KDM2A: variants seen among roughly 807,000 people sequenced by gnomAD.
KDM2A encodes the protein lysine demethylase 2A.
Under a neutral mutation model 137.3 loss-of-function variants are expected in KDM2A, and 3 were observed. The observed-to-expected ratio is 0.02, with a 90% confidence interval of 0.01 to 0.06. The LOEUF (loss-of-function observed/expected upper bound fraction) is 0.06. Among genes scored for constraint, KDM2A ranks in the 10% least tolerant of loss-of-function variants. The pLI, the probability that KDM2A is intolerant of heterozygous loss-of-function variation, is 1.00. For missense variants in KDM2A, 738 were observed against 1,510.6 expected (o/e 0.49, Z 8.48); for synonymous variants, 512 against 541.5 (o/e 0.95, Z 0.76).
At chr11:67,224,592 C>T (rs1387306912) in intron 10 of KDM2A, among the ~76,000 whole-genome samples, 4 of 150,792 alleles carry the variant, frequency 2.7e-5, no homozygotes, top group African/African-American at 4.9e-5. Context: ...CTCAGCCTCC[C>T]GAGTAGCTGG....
At position 67,254,314 on chromosome 11, in the gene KDM2A, G is replaced by A; in HGVS notation, c.3203G>A (p.Arg1068Gln). ...ATTCGCCACATGCCCCTCCTGTCTC[G>A]ACTCGACCTCAGTCACTGCAGCCAC... The part of the protein sequence containing the change: ...LIIRHMPLLS[R>Q]LDLSHCSHLT... Residue 1068 changes from arginine to glutamine, a missense_variant, in exon 20 of 21, where the codon CGA becomes CAA. By Grantham distance (43) the Arg-to-Gln change is conservative (BLOSUM62 1). This residue lies in a region of KDM2A where 166 missense variants were observed against 324.0 expected (regional missense o/e 0.51). Coordinates refer to ENST00000529006, the MANE Select transcript of KDM2A (RefSeq NM_012308.3). The surrounding 1 kb of genome is among the most constrained non-coding windows in gnomAD (Gnocchi z 4.7). 1 of 1,613,964 alleles carries A rather than the reference G, an allele frequency of 6.2e-7. No individual in the cohort carries two copies. The highest frequency in any genetic ancestry group is 8.5e-7 in the Non-Finnish European group (1 of 1,179,880).
chr11:67,178,008 A>C (rs1857007745), intron 2 of KDM2A, among the ~76,000 whole-genome samples: 1 of 152,234 alleles, frequency 6.6e-6, no homozygotes, highest in East Asian at 1.9e-4. Context: ...ATGTCATTAT[A>C]CTGTGCATGA....
rs200831428 is a variant in KDM2A, at chr11:67,169,759, C to T, written c.43-10320C>T. ...TCTCTCTCTCTCTCTCTCTCTCTCT[C>T]TTTTTTTTTTTTTTTTGAGACGGAG... On this transcript the variant is annotated intron_variant, in intron 2 of 20. Coordinates refer to ENST00000529006, the MANE Select transcript of KDM2A (RefSeq NM_012308.3). 3.3e-3 allele frequency among the ~76,000 whole-genome samples: 217 copies of T among 65,684 alleles called. 3 individuals are homozygous for T. The highest frequency in any genetic ancestry group is 0.019 in the Middle Eastern group (1 of 54). The allele number at this position is 65,684 out of a possible 152,430, so 43.1% of individuals were successfully genotyped here. A position where few individuals can be genotyped will look rare whatever the true frequency, so the allele number is the denominator to read the frequency against.
chr11:67,204,109 A>G (rs1203630221), intron 5 of KDM2A, among the ~76,000 whole-genome samples: 1 of 152,068 alleles, frequency 6.6e-6, no homozygotes. Context: ...CCTCCCCTAC[A>G]TTCTTGAAGG....
chr11:67,237,831 CA>C (rs1309886491), intron 12 of KDM2A, among the ~76,000 whole-genome samples: 1 of 151,816 alleles, frequency 6.6e-6, no homozygotes, highest in African/African-American at 2.4e-5. Context: ...CCTGTAGTCC[CA>C]GCTACTCAGG....
At chr11:67,240,116 G>C in intron 12 of KDM2A, 1 of 1,376,280 alleles carries the variant, frequency 7.3e-7, no homozygotes, top group Non-Finnish European at 9.4e-7. Context: ...AGGAAGCCGC[G>C]GCTGAGCTGA....
chr11:67,228,420 G>A (rs1311044045), intron 11 of KDM2A, among the ~76,000 whole-genome samples: 4 of 152,112 alleles, frequency 2.6e-5, no homozygotes, highest in African/African-American at 7.2e-5. Context: ...AGCCGGACAC[G>A]CTGGTTCACG....
At chr11:67,167,432 G>A (rs1181759445) in intron 2 of KDM2A, among the ~76,000 whole-genome samples, 1 of 152,062 alleles carries the variant, frequency 6.6e-6, no homozygotes, top group Non-Finnish European at 1.5e-5. Context: ...TTTTGTGGAG[G>A]GCTTGTTTGT....
intron 5 of KDM2A, among the ~76,000 whole-genome samples, chr11:67,193,569 C>T (rs746155293): frequency 2.6e-5 from 4 of 152,058 alleles, no homozygotes; most frequent in Non-Finnish European, 4.4e-5. Context: ...CTTTTAAATA[C>T]GTATATATTG....
chr11:67,127,703 A>AATTT (rs1352064088), intron 2 of KDM2A, among the ~76,000 whole-genome samples: 142 of 151,702 alleles, frequency 9.4e-4, no homozygotes, highest in African/African-American at 3.1e-3. Context: ...TAAATTAATT[A>AATTT]ATTTATTTAT....
rs993406418 is a variant in KDM2A at position 67,165,885 on chromosome 11, G to A, written c.43-14194G>A. ...TTAGATTTACGGTCAACTTTTAGGG[G>A]TTTTTTCTTTTTCCATAACTTCTTA... On this transcript the variant is annotated intron_variant, in intron 2 of 20. Coordinates refer to ENST00000529006, the MANE Select transcript of KDM2A (RefSeq NM_012308.3). 1.3e-5 allele frequency among the ~76,000 whole-genome samples: 2 copies of A among 152,056 alleles called. 1 individual carries two copies. Among genetic ancestry groups the A allele is most frequent in the Non-Finnish European group, 2.9e-5 (2 of 68,020 alleles).
At position 67,215,964 on chromosome 11, in the gene KDM2A, G is replaced by GTGA; in HGVS notation, c.687+17_687+19dup. The GTGA allele has an allele frequency of 6.3e-7, 1 of 1,599,292 alleles. No homozygotes were observed. The highest frequency in any genetic ancestry group is 8.6e-7 in the Non-Finnish European group (1 of 1,166,536). On this transcript the variant is annotated intron_variant, in intron 8 of 20. Transcript: ENST00000529006. ...AAGGGGGAAAGGTATGGTCATAGTTGTGATAGGGGTTGGAATCTGAAGTTG... is the reference window on the plus strand; with the variant it reads ...AAGGGGGAAAGGTATGGTCATAGTTGTGATGATAGGGGTTGGAATCTGAAGTTG...
chr11:67,157,256 T>A (rs1165280827), intron 2 of KDM2A, among the ~76,000 whole-genome samples: 4 of 140,528 alleles, frequency 2.8e-5, no homozygotes, highest in African/African-American at 1.1e-4. Context: ...GAGCTGGCAG[T>A]GAGCCAAAAT....
chr11:67,225,158 C>G (rs985597476), intron 10 of KDM2A, among the ~76,000 whole-genome samples: 3 of 152,076 alleles, frequency 2.0e-5, no homozygotes, highest in Non-Finnish European at 4.4e-5. Flanking sequence ...ATAACTTTGC[C>G]ACGAACTATC....
At chr11:67,219,055 T>C (rs1858255585) in intron 9 of KDM2A, among the ~76,000 whole-genome samples, 1 of 152,268 alleles carries the variant, frequency 6.6e-6, no homozygotes, top group Non-Finnish European at 1.5e-5. Context: ...TATTATGTGC[T>C]AAGCATTTGA....
chr11:67,228,241 C>T lies in KDM2A; in HGVS notation c.1084+78C>T, dbSNP rs541053744. On this transcript the variant is annotated intron_variant, in intron 11 of 20. Coordinates refer to ENST00000529006, the MANE Select transcript of KDM2A (RefSeq NM_012308.3). ...AGGCCCGAAATACTCAGTAGGCTGT[C>T]ACTCAATATGTTCTTGGTTTTTTAA... 240 of 1,461,036 alleles carry T rather than the reference C, an allele frequency of 1.6e-4. No individual in the cohort carries two copies. In the African/African-American group the frequency reaches 2.9e-3, roughly 17 times the overall value. The allele number at this position is 1,461,036 out of a possible 1,614,324, so 90.5% of individuals were successfully genotyped here. A position where few individuals can be genotyped will look rare whatever the true frequency, so the allele number is the denominator to read the frequency against.
chr11:67,185,347 C>T lies in KDM2A; in HGVS notation c.307+3455C>T, dbSNP rs566621655. On this transcript the variant is annotated intron_variant, in intron 5 of 20. Transcript: ENST00000529006. ...TAGCTTGCTATAGGTTAAATGTTAT[C>T]CCTGCCAGGTGTGGTGCCTCACACC... Among the ~76,000 whole-genome samples the T allele has an allele frequency of 3.3e-5, 5 of 152,190 alleles. No homozygotes were observed. In the East Asian group the frequency reaches 7.7e-4, roughly 23 times the overall value.
chr11:67,152,170 A>G (rs1238694588), intron 2 of KDM2A, among the ~76,000 whole-genome samples: 1 of 152,094 alleles, frequency 6.6e-6, no homozygotes, highest in African/African-American at 2.4e-5. Flanking sequence ...CCAAAAAGCC[A>G]GGCGTGGTGG....
chr11:67,175,691 AGAT>A (rs1398104706), intron 2 of KDM2A, among the ~76,000 whole-genome samples: 1 of 152,198 alleles, frequency 6.6e-6, no homozygotes, highest in Admixed American at 6.5e-5. Context: ...GGGATAATCA[AGAT>A]GATTACTTTC....
Sources: allele counts gnomAD v4.1 joint callset (sites outside exome capture counted in the v4.1 genomes callset), GRCh38; gene constraint gnomAD v4.1.1; regional missense constraint gnomAD v4.1.1; non-coding constraint Gnocchi (gnomAD v3.1); transcripts MANE v1.5; gene names NCBI Gene and HGNC (gene_info 2026-07-23, HGNC 2026-07-21).